Variants in PARD3B observed in about 807,000 individuals in gnomAD.
PARD3B encodes par-3 family cell polarity regulator beta, also known as partitioning defective 3 homolog B.
A neutral mutation model predicts 130.2 loss-of-function variants in PARD3B; 103 were observed. The observed-to-expected ratio is 0.79, with a 90% confidence interval of 0.67 to 0.93. The LOEUF (loss-of-function observed/expected upper bound fraction) is 0.93, where lower values mean the gene tolerates loss of function less well. PARD3B is among the 40% of genes least tolerant of loss of function. PARD3B has a pLI of 0.00. For synonymous variants in PARD3B, 583 were observed against 553.2 expected (o/e 1.05, Z -0.76); for missense variants, 1,609 against 1,499.2 (o/e 1.07, Z -1.21).
At position 204,564,203 on chromosome 2, in the gene PARD3B, C is replaced by T. The variant is rs112156930; in HGVS notation, c.120+18084C>T. On this transcript the variant is annotated intron_variant, in intron 1 of 22. Transcript: ENST00000406610. The stretch of plus-strand genomic sequence containing the variant: ...TTTGGAGCATGTGTCATGTCCCCCA[C>T]GTAGCTCAGTTCCTTTCCTTCGGGG... Among the ~76,000 whole-genome samples the T allele has an allele frequency of 9.0e-3, 1,363 of 152,290 alleles. 19 individuals carry two copies. Among genetic ancestry groups the T allele is most frequent in the African/African-American group, 0.032 (1,323 of 41,548 alleles).
intron 11 of PARD3B, among the ~76,000 whole-genome samples, chr2:205,168,218 G>A (rs115394735): frequency 0.013 from 1,950 of 151,118 alleles, 45 homozygotes; most frequent in African/African-American, 0.045. Context: ...CAGAAGCGGG[G>A]AACATAATTG....
intron 2 of PARD3B, among the ~76,000 whole-genome samples, chr2:204,711,244 T>C (rs1478758978): frequency 2.0e-5 from 3 of 152,196 alleles, no homozygotes; most frequent in Non-Finnish European, 2.9e-5. Flanking sequence ...CTTCTCCCCA[T>C]ATTTCTAGAA....
At chr2:204,613,895 A>G (rs1357165991) in intron 1 of PARD3B, among the ~76,000 whole-genome samples, 1 of 151,870 alleles carries the variant, frequency 6.6e-6, no homozygotes, top group Non-Finnish European at 1.5e-5. Flanking sequence ...TCTGGCTTTT[A>G]TGGTACAGGA....
chr2:204,584,501 T>C (rs2032732497), intron 1 of PARD3B, among the ~76,000 whole-genome samples: 1 of 152,166 alleles, frequency 6.6e-6, no homozygotes, highest in South Asian at 2.1e-4. Flanking sequence ...TTTTAGAACA[T>C]TCTAGAAAAT....
At chr2:205,029,088 A>T (rs1697238834) in intron 3 of PARD3B, among the ~76,000 whole-genome samples, 1 of 152,142 alleles carries the variant, frequency 6.6e-6, no homozygotes, top group Non-Finnish European at 1.5e-5. Context: ...AGCCTACTTT[A>T]TTTAAGTATG....
At chr2:204,776,274 G>C (rs2041613664) in intron 2 of PARD3B, among the ~76,000 whole-genome samples, 1 of 152,160 alleles carries the variant, frequency 6.6e-6, no homozygotes, top group Non-Finnish European at 1.5e-5. Context: ...TACAAGGGGA[G>C]TTGAAAGCCT....
intron 2 of PARD3B, among the ~76,000 whole-genome samples, chr2:204,929,097 AC>A (rs1687839312): frequency 6.6e-6 from 1 of 150,450 alleles, no homozygotes; most frequent in Non-Finnish European, 1.5e-5. Flanking sequence ...TAACCAGAAT[AC>A]TTTTTTTTTT....
chr2:205,568,930 C>T lies in PARD3B; in HGVS notation c.3260+15527C>T, dbSNP rs527745581. Among the ~76,000 whole-genome samples, 17 of 152,208 alleles carry T rather than the reference C, an allele frequency of 1.1e-4. No homozygotes were observed. The South Asian group carries it at 3.5e-3, about 32-fold the overall frequency. ...AGTCAAACAGGCTACAGGATAAATT[C>T]CTAGCATGTAATTACCAGGTCAAAG... On this transcript the variant is annotated intron_variant, in intron 22 of 22. Coordinates refer to ENST00000406610, the MANE Select transcript of PARD3B (RefSeq NM_001302769.2). The surrounding 1 kb of genome is among the most constrained non-coding windows in gnomAD (Gnocchi z 5.3).
chr2:205,455,767 TC>T (rs149427782), intron 20 of PARD3B, among the ~76,000 whole-genome samples: 41 of 152,186 alleles, frequency 2.7e-4, no homozygotes, highest in African/African-American at 9.9e-4. Flanking sequence ...AGTGGTTACA[TC>T]TTACATAATC....
chr2:204,676,963 C>T (rs189428903), intron 1 of PARD3B, among the ~76,000 whole-genome samples: 57 of 152,250 alleles, frequency 3.7e-4, no homozygotes, highest in Admixed American at 7.2e-4. Flanking sequence ...CCACCGCACC[C>T]GGCCAAGATT....
chr2:204,931,794 G>A (rs1158229244), intron 2 of PARD3B, among the ~76,000 whole-genome samples: 1 of 151,932 alleles, frequency 6.6e-6, no homozygotes, highest in African/African-American at 2.4e-5. Flanking sequence ...CTAAGAGTGG[G>A]GGGCAGGGAA....
At chr2:205,103,436 A>C (rs892928604) in intron 4 of PARD3B, among the ~76,000 whole-genome samples, 2 of 150,250 alleles carry the variant, frequency 1.3e-5, no homozygotes, top group Non-Finnish European at 3.0e-5. Flanking sequence ...CTGTCTCAAA[A>C]ATAAAAATTA....
At chr2:205,611,229 G>T (rs1413524721) in intron 22 of PARD3B, among the ~76,000 whole-genome samples, 5 of 152,182 alleles carry the variant, frequency 3.3e-5, no homozygotes, top group Non-Finnish European at 7.3e-5. Context: ...ATCTGTTCCA[G>T]TAAGTACAGC....
chr2:204,670,697 A>G (rs1455234107), intron 1 of PARD3B, among the ~76,000 whole-genome samples: 1 of 152,038 alleles, frequency 6.6e-6, no homozygotes, highest in Non-Finnish European at 1.5e-5. Context: ...TTGTTAGGCT[A>G]TTTGGTTAAA....
intron 2 of PARD3B, among the ~76,000 whole-genome samples, chr2:204,748,834 A>C (rs1329952921): frequency 1.3e-5 from 2 of 152,162 alleles, no homozygotes; most frequent in African/African-American, 4.8e-5. Context: ...AATTAGGGAA[A>C]ATCCTAGATT....
At chr2:205,308,604 C>CA (rs5837965) in intron 18 of PARD3B, among the ~76,000 whole-genome samples, 49,035 of 113,218 alleles carry the variant, frequency 0.43, 12,986 homozygotes, top group African/African-American at 0.74. Flanking sequence ...GACTCCGTCT[C>CA]AAAAAAAAAA....
At chr2:204,852,888 T>A (rs79252310) in intron 2 of PARD3B, among the ~76,000 whole-genome samples, 3,475 of 152,258 alleles carry the variant, frequency 0.023, 95 homozygotes, top group East Asian at 0.15. Context: ...CAATCTCATT[T>A]GTCTTGATAA....
intron 20 of PARD3B, among the ~76,000 whole-genome samples, chr2:205,488,860 G>A (rs1369225513): frequency 6.6e-6 from 1 of 152,112 alleles, no homozygotes; most frequent in Non-Finnish European, 1.5e-5. Context: ...TCTAAGCTCA[G>A]ATATTTGGTG....
intron 18 of PARD3B, among the ~76,000 whole-genome samples, chr2:205,330,079 G>A (rs953313758): frequency 1.3e-5 from 2 of 150,070 alleles, no homozygotes; most frequent in African/African-American, 2.5e-5. Flanking sequence ...GGTGGCTCAC[G>A]ACTGTAATCC....
Sources: gnomAD v4.1 joint callset for allele counts (sites outside exome capture counted in the v4.1 genomes callset) on GRCh38, gnomAD v4.1.1 for gene constraint, Gnocchi (gnomAD v3.1) non-coding constraint, MANE v1.5 for transcripts, NCBI Gene and HGNC (gene_info 2026-07-23, HGNC 2026-07-21) for gene names.